CLEC2A: variants seen among roughly 807,000 people sequenced by gnomAD.
CLEC2A encodes keratinocyte-associated C-type lectin.
Under a neutral mutation model 18.6 loss-of-function variants are expected in CLEC2A, and 19 were observed. That is an observed-to-expected ratio of 1.02 (90% CI 0.71 to 1.50). The LOEUF is 1.50. Among genes scored for constraint, CLEC2A ranks in the 40% most tolerant of loss-of-function variants. CLEC2A has a pLI of 0.00. For missense variants in CLEC2A, 190 were observed against 207.9 expected, an observed-to-expected ratio of 0.91 and a Z score of 0.53; for synonymous variants, 74 against 64.0, an observed-to-expected ratio of 1.16 and a Z score of -0.75.
At chr12:9,927,477 A>G (rs1331698956) in intron 1 of CLEC2A, among the ~76,000 whole-genome samples, 2 of 152,000 alleles carry the variant, frequency 1.3e-5, no homozygotes, top group African/African-American at 4.8e-5. Flanking sequence ...ATATATATGT[A>G]TGCATGCCTA....
At chr12:9,922,648 C>A (rs979671298) in intron 2 of CLEC2A, among the ~76,000 whole-genome samples, 4 of 152,122 alleles carry the variant, frequency 2.6e-5, no homozygotes, top group Admixed American at 6.5e-5. Flanking sequence ...GTGAAACTTG[C>A]CATAAAGGAC....
the CLEC2A span, among the ~76,000 whole-genome samples, chr12:9,887,662 G>T: frequency 6.7e-6 from 1 of 150,030 alleles, no homozygotes; most frequent in Non-Finnish European, 1.5e-5. Flanking sequence ...CTGTCTATAT[G>T]AAAACAAACT....
At position 9,916,743 on chromosome 12, in the gene CLEC2A, C is replaced by G. The variant is rs1350472386; in HGVS notation, c.367G>C (p.Gly123Arg). Residue 123 changes from glycine (G) to arginine (R), a missense_variant, in exon 4 of 5, where the codon GGA becomes CGA. Coordinates refer to ENST00000455827, the MANE Select transcript of CLEC2A (RefSeq NM_001130711.2). ...MHWIGLSRKQ[G>R]DSWKWTNGTT... Reference sequence around the variant, plus strand: ...CCATTTGTCCATTTCCAAGAATCTCCTTGTTTCCTGCTTAGTCCAATCCAG... The same window carrying G: ...CCATTTGTCCATTTCCAAGAATCTCGTTGTTTCCTGCTTAGTCCAATCCAG... 6.4e-7 allele frequency: 1 copy of G among 1,551,318 alleles called. No individual in the cohort carries two copies. The highest frequency in any genetic ancestry group is 2.4e-5 in the East Asian group (1 of 40,882).
At position 9,913,481 on chromosome 12, in the gene CLEC2A, C is replaced by T; in HGVS notation, c.*85G>A. On this transcript the variant is annotated 3_prime_UTR_variant, in exon 5 of 5. Coordinates refer to ENST00000455827, the MANE Select transcript of CLEC2A (RefSeq NM_001130711.2). ...TCACCAGAGGTTCCGTATTCTGTAA[C>T]AGAATAAGTGAGAAAGCCACTTTTG... 6.8e-7 allele frequency: 1 copy of T among 1,472,562 alleles called. No homozygotes were observed. Among genetic ancestry groups the T allele is most frequent in the Non-Finnish European group, 8.9e-7 (1 of 1,119,760 alleles). 91.2% of individuals were successfully genotyped at this position (1,472,562 alleles called of 1,614,324 possible).
chr12:9,893,637 G>T, the CLEC2A span: 2 of 469,550 alleles, frequency 4.3e-6, no homozygotes, highest in Non-Finnish European at 7.2e-6. Context: ...TTCTTTCTCT[G>T]TTTTCCCTTA....
At position 9,898,796 on chromosome 12, in the gene CLEC2A, C is replaced by G. The variant is rs1157943794; in HGVS notation, c.*108G>C. 3 of 593,658 alleles carry G rather than the reference C, an allele frequency of 5.1e-6. No individual in the cohort carries two copies. The African/African-American group carries it at 5.5e-5, about 11-fold the overall frequency. The allele number at this position is 593,658 out of a possible 1,614,324, so 36.8% of individuals were successfully genotyped here. Reference sequence around the variant, plus strand: ...TAAATTTACTCCCTCTAAAGAAGTACATCTAACTGCCGTTATATTAAGGAT... The same window carrying G: ...TAAATTTACTCCCTCTAAAGAAGTAGATCTAACTGCCGTTATATTAAGGAT... On this transcript the variant is annotated 3_prime_UTR_variant, in exon 5 of 5. Coordinates refer to the CLEC2A transcript ENST00000339766.
At chr12:9,889,660 G>C in the CLEC2A span, among the ~76,000 whole-genome samples, 1 of 139,636 alleles carries the variant, frequency 7.2e-6, no homozygotes, top group Non-Finnish European at 1.6e-5. Flanking sequence ...GTGTGTGTGT[G>C]TATATATATG....
downstream of CLEC2A, among the ~76,000 whole-genome samples, chr12:9,909,916 T>C (rs1045105211): frequency 1.3e-5 from 2 of 151,984 alleles, no homozygotes; most frequent in Non-Finnish European, 2.9e-5. Flanking sequence ...GGGGATCCCA[T>C]GTGTTGATGG....
chr12:9,899,163 C>T (rs991620188), intron 4 of CLEC2A, among the ~76,000 whole-genome samples: 1 of 151,976 alleles, frequency 6.6e-6, no homozygotes, highest in Non-Finnish European at 1.5e-5. Flanking sequence ...TGTTGGGCTC[C>T]TGGGTTCCCT....
chr12:9,932,221 G>C, intron 1 of CLEC2A, 54 bp downstream of exon 1: 1 of 1,265,560 alleles, frequency 7.9e-7, no homozygotes, highest in African/African-American at 1.5e-5. Flanking sequence ...AAGCTGTCCT[G>C]TATTTTGTTT....
chr12:9,878,607 A>G, the CLEC2A span, among the ~76,000 whole-genome samples: 2 of 152,360 alleles, frequency 1.3e-5, no homozygotes, highest in African/African-American at 4.8e-5. Context: ...ACTCTAAAAT[A>G]TTTCAGCATT....
chr12:9,888,096 G>GAA, the CLEC2A span, among the ~76,000 whole-genome samples: 1,836 of 101,268 alleles, frequency 0.018, 61 homozygotes, highest in African/African-American at 0.066. Context: ...TAATAAAAAT[G>GAA]AAAAAAAAAA....
chr12:9,919,685 T>G (rs1447810615), intron 3 of CLEC2A, among the ~76,000 whole-genome samples: 1 of 152,158 alleles, frequency 6.6e-6, no homozygotes, highest in Non-Finnish European at 1.5e-5. Context: ...TCTGGCCACT[T>G]TATCATAGGG....
chr12:9,929,034 C>CA (rs200390946), intron 1 of CLEC2A, among the ~76,000 whole-genome samples: 13 of 149,284 alleles, frequency 8.7e-5, no homozygotes, highest in East Asian at 7.8e-4. Context: ...ACAGTGACAA[C>CA]AAAAAAAAAG....
At chr12:9,892,906 A>G in the CLEC2A span, 1 of 1,003,454 alleles carries the variant, frequency 1.0e-6, no homozygotes, top group East Asian at 2.7e-5. Flanking sequence ...TATTGACCAA[A>G]AAAAAAAAAA....
chr12:9,902,820 C>T (rs1862852414), intron 4 of CLEC2A, among the ~76,000 whole-genome samples: 1 of 152,098 alleles, frequency 6.6e-6, no homozygotes, highest in South Asian at 2.1e-4. Context: ...TAATGCAGTC[C>T]CTGCTTCTGT....
At chr12:9,881,450 G>C in the CLEC2A span, 3 of 584,760 alleles carry the variant, frequency 5.1e-6, no homozygotes, top group Non-Finnish European at 9.1e-6. Context: ...TTAGACATCT[G>C]TGTCTGAGTA....
At chr12:9,899,730 A>T (rs527678868) in intron 4 of CLEC2A, among the ~76,000 whole-genome samples, 20 of 152,290 alleles carry the variant, frequency 1.3e-4, no homozygotes, top group Admixed American at 5.9e-4. Context: ...GTAGCCTTGG[A>T]GTTCCCTAGA....
downstream of CLEC2A, chr12:9,895,808 C>T (rs781424387): frequency 1.4e-4 from 214 of 1,534,848 alleles, no homozygotes; most frequent in Middle Eastern, 3.3e-4. Context: ...GCGATCTTGA[C>T]GCACAATGGA....
Sources: gnomAD v4.1 joint callset for allele counts (sites outside exome capture counted in the v4.1 genomes callset) on GRCh38, gnomAD v4.1.1 for gene constraint, MANE v1.5 for transcripts, NCBI Gene and HGNC (gene_info 2026-07-23, HGNC 2026-07-21) for gene names.